Variants in DUSP16 observed in about 807,000 individuals in gnomAD.
The protein encoded by DUSP16 is dual specificity protein phosphatase 16.
In DUSP16, 21 loss-of-function variants were observed where a neutral mutation model predicts 58.3. The observed-to-expected ratio is 0.36, with a 90% CI of 0.26 to 0.52. The LOEUF is 0.52. Among genes scored for constraint, DUSP16 ranks in the 20% least tolerant of loss-of-function variants. The probability of loss-of-function intolerance (pLI) is 0.94; values close to 1 mark genes in which losing one functional copy is unlikely to be tolerated. For missense variants in DUSP16, 726 were observed against 819.0 expected (o/e 0.89, Z 1.39); for synonymous variants, 320 against 323.8 (o/e 0.99, Z 0.12).
chr12:12,495,548 AGACT>A (rs1943817453), intron 4 of DUSP16, among the ~76,000 whole-genome samples: 2 of 152,298 alleles, frequency 1.3e-5, no homozygotes, highest in South Asian at 2.1e-4. Flanking sequence ...TCCTGCAGTC[AGACT>A]AATTTCTAAA....
chr12:12,555,450 T>TC (rs1310010361), intron 1 of DUSP16, among the ~76,000 whole-genome samples: 1 of 152,218 alleles, frequency 6.6e-6, no homozygotes, highest in Non-Finnish European at 1.5e-5. Flanking sequence ...TACTCTACTA[T>TC]CCTGGGATAT....
rs1260509651 is a variant in DUSP16 at position 12,480,098 on chromosome 12, G to A, written c.815+125C>T. The A allele has an allele frequency of 3.8e-6, 5 of 1,306,976 alleles. No homozygotes were observed. In the East Asian group the frequency reaches 1.2e-4, roughly 31 times the overall value. The allele number at this position is 1,306,976 out of a possible 1,614,324, so 81.0% of individuals were successfully genotyped here. On this transcript the variant is annotated intron_variant, in intron 6 of 6. Transcript: ENST00000298573. ...TCACAAGACCATTAAAAAATCCACA[G>A]TAACCTGTAAAAAATGTGACTAAAA...
At chr12:12,494,541 G>A (rs1592173132) in intron 4 of DUSP16, among the ~76,000 whole-genome samples, 1 of 152,280 alleles carries the variant, frequency 6.6e-6, no homozygotes, top group South Asian at 2.1e-4. Context: ...TGGAAAACAG[G>A]AGTAAAACCA....
At chr12:12,494,115 C>A (rs1943797201) in intron 4 of DUSP16, among the ~76,000 whole-genome samples, 1 of 152,128 alleles carries the variant, frequency 6.6e-6, no homozygotes, top group Admixed American at 6.5e-5. Context: ...TAATGAGAAA[C>A]CTTCATATAT....
intron 1 of DUSP16, among the ~76,000 whole-genome samples, chr12:12,535,271 C>T (rs1235313889): frequency 2.0e-5 from 3 of 152,118 alleles, no homozygotes; most frequent in South Asian, 2.1e-4. Flanking sequence ...GTTTCCCAAA[C>T]AATCTTAATA....
chr12:12,499,545 TTTC>T (rs1262349004), intron 4 of DUSP16, among the ~76,000 whole-genome samples: 4 of 152,272 alleles, frequency 2.6e-5, no homozygotes, highest in African/African-American at 9.6e-5. Flanking sequence ...ATCGGGTATT[TTTC>T]TTCCTCCTAG....
intron 1 of DUSP16, among the ~76,000 whole-genome samples, chr12:12,534,587 T>C (rs987481638): frequency 3.3e-5 from 5 of 152,250 alleles, no homozygotes; most frequent in Admixed American, 3.3e-4. Context: ...TTCATCCTCA[T>C]ATTCATCTTA....
At chr12:12,535,144 CA>C (rs1437981916) in intron 1 of DUSP16, among the ~76,000 whole-genome samples, 1 of 152,238 alleles carries the variant, frequency 6.6e-6, no homozygotes, top group Non-Finnish European at 1.5e-5. Context: ...TTAGGACGGA[CA>C]CCTGTGCCAG....
chr12:12,494,127 T>C (rs1056349806), intron 4 of DUSP16, among the ~76,000 whole-genome samples: 16 of 152,184 alleles, frequency 1.1e-4, no homozygotes, highest in African/African-American at 3.9e-4. Flanking sequence ...TTCATATATG[T>C]TCCTTGCACA....
chr12:12,517,293 G>A (rs747726), intron 3 of DUSP16, among the ~76,000 whole-genome samples: 44,266 of 152,068 alleles, frequency 0.29, 7,299 homozygotes, highest in Non-Finnish European at 0.35. Context: ...ATGTCCAAAC[G>A]AGACTGACAA....
At chr12:12,552,112 A>G (rs1414371332) in intron 1 of DUSP16, among the ~76,000 whole-genome samples, 1 of 152,220 alleles carries the variant, frequency 6.6e-6, no homozygotes, top group African/African-American at 2.4e-5. Context: ...AGAGTACACA[A>G]AATTCACTGA....
chr12:12,497,894 C>T (rs1432055827), intron 4 of DUSP16, among the ~76,000 whole-genome samples: 5 of 151,918 alleles, frequency 3.3e-5, no homozygotes, highest in African/African-American at 7.3e-5. Flanking sequence ...TGCTTGAACA[C>T]GGGAGGGGGA....
chr12:12,515,617 C>T (rs568004413), intron 3 of DUSP16, among the ~76,000 whole-genome samples: 29 of 151,762 alleles, frequency 1.9e-4, no homozygotes, highest in Non-Finnish European at 2.9e-4. Context: ...TGTGAGCCAC[C>T]GCACCTGGCC....
chr12:12,553,122 T>C (rs1422978128), intron 1 of DUSP16, among the ~76,000 whole-genome samples: 2 of 152,122 alleles, frequency 1.3e-5, no homozygotes, highest in Non-Finnish European at 1.5e-5. Context: ...TTTTAAACAT[T>C]TTTCAGTTTT....
intron 3 of DUSP16, among the ~76,000 whole-genome samples, chr12:12,500,994 T>G (rs988195431): frequency 6.6e-6 from 1 of 152,210 alleles, no homozygotes; most frequent in African/African-American, 2.4e-5. Context: ...TGTTTTTTTT[T>G]GTAAAACATA....
chr12:12,551,691 CTT>C (rs35198357), intron 1 of DUSP16, among the ~76,000 whole-genome samples: 2,880 of 140,042 alleles, frequency 0.021, 47 homozygotes, highest in African/African-American at 0.041. Context: ...CTTAGTAAAC[CTT>C]TTTTTTTTTT....
chr12:12,484,630 TA>T (rs1214706809), intron 5 of DUSP16, among the ~76,000 whole-genome samples: 1 of 152,068 alleles, frequency 6.6e-6, no homozygotes, highest in African/African-American at 2.4e-5. Flanking sequence ...TTTTTATTTT[TA>T]TTTTTTTTGA....
At chr12:12,490,477 CCTT>C (rs1943747386) in intron 4 of DUSP16, among the ~76,000 whole-genome samples, 2 of 151,872 alleles carry the variant, frequency 1.3e-5, no homozygotes, top group Non-Finnish European at 2.9e-5. Flanking sequence ...TAAATAAGTG[CCTT>C]CTTATCTGGA....
chr12:12,532,630 A>G lies in DUSP16; in HGVS notation c.-365-11167T>C, dbSNP rs556172984. Among the ~76,000 whole-genome samples, 3 of 151,710 alleles carry G rather than the reference A, an allele frequency of 2.0e-5. No individual in the cohort carries two copies. The South Asian group carries it at 6.3e-4, about 32-fold the overall frequency. On this transcript the variant is annotated intron_variant, in intron 1 of 6. Coordinates refer to ENST00000298573, the MANE Select transcript of DUSP16 (RefSeq NM_030640.3). Reference sequence around the variant, plus strand: ...TGTACTCCTTCTTCTCAGGACCATTATAAAAGTTTGGGTGGGCAAAGGTTA... The same window carrying G: ...TGTACTCCTTCTTCTCAGGACCATTGTAAAAGTTTGGGTGGGCAAAGGTTA...
Sources: gnomAD v4.1 joint callset for allele counts (sites outside exome capture counted in the v4.1 genomes callset) on GRCh38, gnomAD v4.1.1 for gene constraint, MANE v1.5 for transcripts, NCBI Gene and HGNC (gene_info 2026-07-23, HGNC 2026-07-21) for gene names.